The following ZNF777 variants were observed in gnomAD, a reference collection of about 807,000 sequenced individuals.
The protein encoded by ZNF777 is zinc finger protein 777.
A neutral mutation model predicts 72.1 loss-of-function variants in ZNF777; 7 were observed. The ratio of observed to expected loss-of-function variants is 0.10; its 90% CI spans 0.06 to 0.18. ZNF777 has a LOEUF of 0.18. ZNF777 is among the 10% of genes least tolerant of loss of function. The probability of loss-of-function intolerance (pLI) is 1.00; values close to 1 mark genes in which losing one functional copy is unlikely to be tolerated. For missense variants in ZNF777, 828 were observed against 1,128.6 expected (o/e 0.73, Z 3.82); for synonymous variants, 545 against 483.5 (o/e 1.13, Z -1.67).
chr7:149,459,541 G>A (rs1585707837), intron 1 of ZNF777: 4 of 741,878 alleles, frequency 5.4e-6, no homozygotes, highest in Non-Finnish European at 6.6e-6. Context: ...CGCTGCCAGG[G>A]CGGCCCAGCC....
At chr7:149,448,579 C>CTATA (rs57860880) in intron 4 of ZNF777, among the ~76,000 whole-genome samples, 4,486 of 114,546 alleles carry the variant, frequency 0.039, 150 homozygotes, top group Non-Finnish European at 0.06. Context: ...ATACATATAA[C>CTATA]TATATATATA....
At chr7:149,442,274 TACACACACAC>T (rs148217571) in intron 4 of ZNF777, among the ~76,000 whole-genome samples, 280 of 138,556 alleles carry the variant, frequency 2.0e-3, no homozygotes, top group African/African-American at 6.1e-3. Context: ...AAACTGCTAT[TACACACACAC>T]ACACACACAC....
At position 149,455,992 on chromosome 7, in the gene ZNF777, A is replaced by G. The variant is rs200402281; in HGVS notation, c.31T>C (p.Phe11Leu). The part of the protein sequence containing the change: MENQRSSPLS[F>L]PSVPQEETLR... The stretch of plus-strand genomic sequence containing the variant: ...GTTTCTTCTTGTGGAACACTGGGGA[A>G]CGACAGAGGTGATGAGCGTTGGTTC... The change falls in exon 2 of 6, where the codon TTC becomes CTC. Residue 11 changes from phenylalanine to leucine, a missense_variant. Physicochemically the swap from Phe to Leu is conservative, Grantham distance 22. Transcript: ENST00000247930. The surrounding 1 kb of genome is among the most constrained non-coding windows in gnomAD (Gnocchi z 4.2). The G allele has an allele frequency of 1.2e-6, 2 of 1,602,754 alleles. No homozygotes were observed. The highest frequency in any genetic ancestry group is 3.4e-5 in the Admixed American group (2 of 58,354).
intron 1 of ZNF777, chr7:149,459,640 C>A: frequency 3.0e-6 from 3 of 985,190 alleles, no homozygotes; most frequent in Non-Finnish European, 2.4e-6. Flanking sequence ...GCTGCCGCAC[C>A]GTGCCACGGA....
chr7:149,439,687 CCTCTGCCA>C (rs1799474635), intron 4 of ZNF777, among the ~76,000 whole-genome samples: 1 of 152,174 alleles, frequency 6.6e-6, no homozygotes, highest in Admixed American at 6.5e-5. Flanking sequence ...CTGATCACTT[CCTCTGCCA>C]CTCTGCCACA....
intron 4 of ZNF777, among the ~76,000 whole-genome samples, chr7:149,449,602 C>T (rs993151016): frequency 2.6e-5 from 4 of 152,130 alleles, no homozygotes; most frequent in East Asian, 1.9e-4. Flanking sequence ...TTCTCTGCCT[C>T]GCAACACTTC....
chr7:149,435,187 T>G (rs1799389869), intron 5 of ZNF777, among the ~76,000 whole-genome samples: 1 of 152,156 alleles, frequency 6.6e-6, no homozygotes, highest in South Asian at 2.1e-4. Flanking sequence ...GTACATATTT[T>G]TGAGACAGTG....
chr7:149,445,708 A>G (rs1799589552), intron 4 of ZNF777, among the ~76,000 whole-genome samples: 1 of 152,118 alleles, frequency 6.6e-6, no homozygotes, highest in Non-Finnish European at 1.5e-5. Flanking sequence ...CCTGGTGCCC[A>G]TGTCCAGAGA....
intron 5 of ZNF777, 89 bp from the exon 6 acceptor site, chr7:149,433,021 A>T: frequency 7.0e-7 from 1 of 1,419,948 alleles, no homozygotes; most frequent in Non-Finnish European, 9.2e-7. Context: ...CTTCACCCTC[A>T]CCAAAACATT....
At chr7:149,435,964 T>C (rs1262190459) in intron 5 of ZNF777, among the ~76,000 whole-genome samples, 10 of 152,228 alleles carry the variant, frequency 6.6e-5, no homozygotes. Flanking sequence ...GTAGGGCTTT[T>C]CCCGGGCCTG....
chr7:149,460,204 T>C lies in ZNF777; in HGVS notation c.-16+611A>G. The C allele has an allele frequency of 1.5e-6, 1 of 653,396 alleles. No individual in the cohort carries two copies. Among genetic ancestry groups the C allele is most frequent in the Non-Finnish European group, 1.9e-6 (1 of 529,766 alleles). The allele number at this position is 653,396 out of a possible 1,614,324, so 40.5% of individuals were successfully genotyped here. On this transcript the variant is annotated intron_variant, in intron 1 of 5. Transcript: ENST00000247930. This position sits in a 1 kb window ranked among gnomAD's most constrained non-coding sequence, Gnocchi z 6.1. ...TCGCCGCCGCTACTGCCGCCGCCGC[T>C]ACTGCGCGCGGCCCCACGCAGGCCC... is the stretch of plus-strand genomic sequence containing the variant.
chr7:149,434,070 T>C (rs1799371908), intron 5 of ZNF777, among the ~76,000 whole-genome samples: 1 of 152,050 alleles, frequency 6.6e-6, no homozygotes, highest in Non-Finnish European at 1.5e-5. Context: ...TATCTTATTA[T>C]AGGACGAGTC....
chr7:149,436,611 G>A lies in ZNF777; in HGVS notation c.1303C>T (p.Leu435=), dbSNP rs780299633. 4 of 1,611,532 alleles carry A rather than the reference G, an allele frequency of 2.5e-6. No homozygotes were observed. Among genetic ancestry groups the A allele is most frequent in the Middle Eastern group, 1.7e-4 (1 of 6,054 alleles). The change falls in exon 5 of 6, where the codon CTG becomes TTG. Residue 435 remains leucine, a synonymous_variant. Transcript: ENST00000247930. The surrounding 1 kb of genome is among the most constrained non-coding windows in gnomAD (Gnocchi z 5.0). ...CTCTGCTGCACCAGCATCTGCTTCA[G>A]TTCGCTGAACTCGCTGGAGCCTTCC... The part of the protein sequence containing the change: ...STEGSSEFSE[L]KQMLVQQRNC...
rs1337216806 is a variant in ZNF777 at position 149,436,921 on chromosome 7, A to G, written c.1088-95T>C. 8 of 1,445,956 alleles carry G rather than the reference A, an allele frequency of 5.5e-6. No homozygotes were observed. The Admixed American group carries it at 6.2e-5, about 11-fold the overall frequency. 89.6% of individuals were successfully genotyped at this position (1,445,956 alleles called of 1,614,324 possible). On this transcript the variant is annotated intron_variant, in intron 4 of 5. Transcript: ENST00000247930. The surrounding 1 kb of genome is among the most constrained non-coding windows in gnomAD (Gnocchi z 5.0). Reference sequence around the variant, plus strand: ...CTGCAGCCCTACAATTTACATCTCAATAAGTCTTATCTTAGAGACCCTGAA... The same window carrying G: ...CTGCAGCCCTACAATTTACATCTCAGTAAGTCTTATCTTAGAGACCCTGAA...
Position 149,431,429 on chromosome 7 carries a change from C to T in ZNF777, c.*347G>A. ...GTATCCAAAAGGTAATTATAAAGTT[C>T]TATCCCCAACTAGATGGGCCCTACA... On this transcript the variant is annotated 3_prime_UTR_variant, in exon 6 of 6. Transcript: ENST00000247930. 1 of 435,088 alleles carries T rather than the reference C, an allele frequency of 2.3e-6. No individual in the cohort carries two copies. The highest frequency in any genetic ancestry group is 2.1e-5 in the African/African-American group (1 of 48,714). The allele number at this position is 435,088 out of a possible 1,614,324, so 27.0% of individuals were successfully genotyped here.
chr7:149,444,401 T>C (rs919866705), intron 4 of ZNF777, among the ~76,000 whole-genome samples: 1 of 152,170 alleles, frequency 6.6e-6, no homozygotes. Context: ...GAAGACAAAT[T>C]TCTGGGACCT....
intron 1 of ZNF777, among the ~76,000 whole-genome samples, chr7:149,459,352 C>T (rs1799896600): frequency 6.6e-6 from 1 of 152,200 alleles, no homozygotes. Context: ...CAGCCCCCAA[C>T]CCCTGAGAAG....
chr7:149,446,322 G>C (rs569845891), intron 4 of ZNF777, among the ~76,000 whole-genome samples: 5 of 152,006 alleles, frequency 3.3e-5, no homozygotes, highest in African/African-American at 1.2e-4. Context: ...GTTGCAGTGA[G>C]CCAAGATCGC....
intron 1 of ZNF777, 24 bp from the exon 2 acceptor site, chr7:149,456,061 A>T (rs1396756680): frequency 7.2e-6 from 11 of 1,522,746 alleles, no homozygotes; most frequent in Non-Finnish European, 9.7e-6. Flanking sequence ...AGAAAGGAAA[A>T]GAGGATTAAA....
Sources: allele counts gnomAD v4.1 joint callset (sites outside exome capture counted in the v4.1 genomes callset), GRCh38; gene constraint gnomAD v4.1.1; non-coding constraint Gnocchi (gnomAD v3.1); transcripts MANE v1.5; gene names NCBI Gene and HGNC (gene_info 2026-07-23, HGNC 2026-07-21).